Variants in ABCG2 observed in about 807,000 individuals in gnomAD.
ABCG2 encodes ATP binding cassette subfamily G member 2 (JR blood group).
In ABCG2, 80 loss-of-function variants were observed where a neutral mutation model predicts 73.5. The ratio of observed to expected loss-of-function variants is 1.09; its 90% confidence interval spans 0.91 to 1.31. The LOEUF is 1.31. Among genes scored for constraint, ABCG2 ranks in the 50% most tolerant of loss-of-function variants. The probability of loss-of-function intolerance (pLI) is 0.00; values close to 1 mark genes in which losing one functional copy is unlikely to be tolerated. For synonymous variants in ABCG2, 269 were observed against 282.4 expected, an observed-to-expected ratio of 0.95 and a Z score of 0.48; for missense variants, 796 against 786.2, an observed-to-expected ratio of 1.01 and a Z score of -0.15.
rs6811971 is a variant in ABCG2 at position 88,218,960 on chromosome 4, T to G, written c.-20+12034A>C. Among the ~76,000 whole-genome samples, 366 of 152,202 alleles carry G rather than the reference T, an allele frequency of 2.4e-3. 3 individuals carry two copies. Among genetic ancestry groups the G allele is most frequent in the African/African-American group, 8.0e-3 (333 of 41,526 alleles). On this transcript the variant is annotated intron_variant, in intron 1 of 15. Transcript: ENST00000515655. ...GTAGCACCAAAGCAGCCATTGACGG[T>G]AGGTAAATGAACAGGCGATACATAG...
intron 7 of ABCG2, among the ~76,000 whole-genome samples, 174 bp from the exon 8 acceptor site, chr4:88,115,232 G>GTCTCTCTCTCTCTCTCTGTCTC (rs1553933354): frequency 3.5e-5 from 1 of 28,970 alleles, no homozygotes; most frequent in African/African-American, 1.4e-4. Context: ...TATATATTCA[G>GTCTCTCTCTCTCTCTCTGTCTC]TCTCTCTCTC....
chr4:88,137,287 A>G (rs1384245193), intron 2 of ABCG2, among the ~76,000 whole-genome samples: 1 of 152,200 alleles, frequency 6.6e-6, no homozygotes, highest in Non-Finnish European at 1.5e-5. Context: ...CTGTTTGGCG[A>G]CTATGATAGT....
intron 1 of ABCG2, among the ~76,000 whole-genome samples, chr4:88,211,451 C>G (rs745989707): frequency 4.1e-5 from 6 of 144,884 alleles, no homozygotes; most frequent in Non-Finnish European, 8.9e-5. Context: ...GAGTCTCACT[C>G]TGTTGTCCAG....
chr4:88,178,240 C>T (rs1728087653), intron 1 of ABCG2, among the ~76,000 whole-genome samples: 2 of 152,118 alleles, frequency 1.3e-5, no homozygotes, highest in South Asian at 4.1e-4. Flanking sequence ...AGCTCAACCA[C>T]AGTAGAATAG....
In ABCG2 at chr4:88,094,633, T is replaced by C; in HGVS notation, c.1764A>G (p.Gly588=). 4 of 1,614,000 alleles carry C rather than the reference T, an allele frequency of 2.5e-6. No homozygotes were observed. Among genetic ancestry groups the C allele is most frequent in the Non-Finnish European group, 3.4e-6 (4 of 1,179,858 alleles). ...CATTGAGTCCTGGGCAGAAGTTTTG[T>C]CCCAAAAATTCATTATGCTGCAAAG... ...FTALQHNEFL[G]QNFCPGLNAT... Residue 588 remains glycine (G), a synonymous_variant, in exon 15 of 16, where the codon GGA becomes GGG. Transcript: ENST00000237612.
intron 1 of ABCG2, among the ~76,000 whole-genome samples, chr4:88,180,571 C>CA (rs952960252): frequency 1.3e-5 from 2 of 151,470 alleles, no homozygotes; most frequent in South Asian, 4.2e-4. Context: ...CTTGCCTCTA[C>CA]AAAAAAAAAT....
At chr4:88,131,239 G>A in intron 4 of ABCG2, 26 bp from the exon 5 acceptor site, 1 of 1,610,466 alleles carries the variant, frequency 6.2e-7, no homozygotes, top group South Asian at 1.1e-5. Flanking sequence ...ATTTTAATGA[G>A]ACATAATGAT....
At chr4:88,128,430 G>A (rs1025534226) in intron 5 of ABCG2, among the ~76,000 whole-genome samples, 4 of 152,056 alleles carry the variant, frequency 2.6e-5, no homozygotes, top group East Asian at 1.9e-4. Flanking sequence ...GGGTATATAC[G>A]CAAAGGATTA....
chr4:88,154,748 G>T (rs1182178811), intron 1 of ABCG2, among the ~76,000 whole-genome samples: 2 of 152,124 alleles, frequency 1.3e-5, no homozygotes, highest in South Asian at 4.2e-4. Context: ...TGTGGGAGAC[G>T]CAACAAAGAG....
intron 5 of ABCG2, among the ~76,000 whole-genome samples, chr4:88,128,931 A>T (rs188136279): frequency 2.4e-3 from 371 of 152,260 alleles, no homozygotes; most frequent in African/African-American, 6.7e-3. Flanking sequence ...AAAATTTTTT[A>T]AAAAAAGCAC....
At chr4:88,147,704 A>G (rs1305053721) in intron 1 of ABCG2, among the ~76,000 whole-genome samples, 1 of 152,214 alleles carries the variant, frequency 6.6e-6, no homozygotes, top group African/African-American at 2.4e-5. Flanking sequence ...CTAGCAAGAT[A>G]AAGTCACTAA....
intron 1 of ABCG2, among the ~76,000 whole-genome samples, chr4:88,164,919 A>T (rs1037382278): frequency 1.3e-5 from 2 of 152,040 alleles, no homozygotes; most frequent in Non-Finnish European, 2.9e-5. Flanking sequence ...CTGGGATTAC[A>T]GGCATGCATC....
chr4:88,212,872 G>A (rs892314037), intron 1 of ABCG2, among the ~76,000 whole-genome samples: 45 of 152,208 alleles, frequency 3.0e-4, no homozygotes, highest in African/African-American at 9.6e-4. Context: ...AAACACATAA[G>A]AATAATAAAT....
chr4:88,219,747 A>ATT (rs5860123), intron 1 of ABCG2, among the ~76,000 whole-genome samples: 10,772 of 134,968 alleles, frequency 0.08, 507 homozygotes, highest in South Asian at 0.1. Context: ...ACGCCTGGCT[A>ATT]TTTTTTTTTT....
intron 10 of ABCG2, among the ~76,000 whole-genome samples, chr4:88,105,514 G>A (rs967885668): frequency 5.3e-5 from 8 of 152,286 alleles, no homozygotes; most frequent in Admixed American, 4.6e-4. Context: ...CTCATAAAAT[G>A]AGGTTTTTAA....
intron 1 of ABCG2, among the ~76,000 whole-genome samples, chr4:88,192,947 AGGTGATCCACCC>A (rs915378819): frequency 2.0e-5 from 3 of 152,082 alleles, no homozygotes; most frequent in Non-Finnish European, 4.4e-5. Context: ...TCCTGACCTC[AGGTGATCCACCC>A]GCCTCAGCCT....
intron 1 of ABCG2, among the ~76,000 whole-genome samples, chr4:88,210,673 G>A (rs1209509364): frequency 3.3e-5 from 5 of 150,906 alleles, no homozygotes; most frequent in African/African-American, 1.2e-4. Flanking sequence ...GCTCACTGCA[G>A]CCTCAAACTC....
chr4:88,130,914 T>C, intron 5 of ABCG2, 147 bp downstream of exon 5: 1 of 909,206 alleles, frequency 1.1e-6, no homozygotes, highest in Admixed American at 2.5e-5. Flanking sequence ...GTTCATATTA[T>C]GTAACAAGCC....
intron 1 of ABCG2, among the ~76,000 whole-genome samples, chr4:88,192,776 A>G (rs547400597): frequency 6.6e-6 from 1 of 150,986 alleles, no homozygotes; most frequent in African/African-American, 2.4e-5. Flanking sequence ...CAGTGGCGCA[A>G]TCTCGGCTCA....
Sources: allele counts gnomAD v4.1 joint callset (sites outside exome capture counted in the v4.1 genomes callset), GRCh38; gene constraint gnomAD v4.1.1; transcripts MANE v1.5; gene names NCBI Gene and HGNC (gene_info 2026-07-23, HGNC 2026-07-21).